CTNNA2: variants seen among roughly 807,000 people sequenced by gnomAD.
CTNNA2 encodes catenin alpha 2, also known as catenin alpha-2.
In CTNNA2, 42 loss-of-function variants were observed where a neutral mutation model predicts 101.0. The ratio of observed to expected loss-of-function variants is 0.42; its 90% CI spans 0.32 to 0.54. CTNNA2 has a LOEUF of 0.54. Among genes scored for constraint, CTNNA2 ranks in the 20% least tolerant of loss-of-function variants. The pLI, the probability that CTNNA2 is intolerant of heterozygous loss-of-function variation, is 0.14. For synonymous variants in CTNNA2, 450 were observed against 456.4 expected, an observed-to-expected ratio of 0.99 and a Z score of 0.18; for missense variants, 871 against 1,223.1, an observed-to-expected ratio of 0.71 and a Z score of 4.29.
intron 1 of CTNNA2, among the ~76,000 whole-genome samples, chr2:79,566,747 T>A (rs180684381): frequency 3.1e-4 from 47 of 152,308 alleles, no homozygotes; most frequent in African/African-American, 1.0e-3. Context: ...TATTTTCTTA[T>A]CTTTTTTTGG....
At chr2:80,453,528 C>T (rs1355212063) in intron 9 of CTNNA2, among the ~76,000 whole-genome samples, 3 of 151,940 alleles carry the variant, frequency 2.0e-5, no homozygotes, top group Non-Finnish European at 2.9e-5. Context: ...GTGTGTGATT[C>T]GCTCACGTAA....
chr2:80,514,260 C>G (rs6742525), intron 9 of CTNNA2, among the ~76,000 whole-genome samples: 77,154 of 151,982 alleles, frequency 0.51, 21,727 homozygotes, highest in African/African-American at 0.76. Flanking sequence ...CAGCTGTCCA[C>G]TTTGGGTGCC....
intron 4 of CTNNA2, among the ~76,000 whole-genome samples, chr2:79,377,215 A>G (rs1186957967): frequency 2.6e-5 from 4 of 152,128 alleles, no homozygotes; most frequent in Non-Finnish European, 4.4e-5. Context: ...TCACTATGTT[A>G]ATATAAAGTA....
intron 3 of CTNNA2, among the ~76,000 whole-genome samples, chr2:79,359,995 T>C (rs56349222): frequency 0.11 from 16,767 of 152,210 alleles, 1,184 homozygotes; most frequent in East Asian, 0.36. Context: ...TTAGAATTTA[T>C]CTAGTTTTAT....
At chr2:80,243,975 T>G (rs1410988774) in intron 7 of CTNNA2, among the ~76,000 whole-genome samples, 1 of 152,200 alleles carries the variant, frequency 6.6e-6, no homozygotes, top group African/African-American at 2.4e-5. Context: ...TGCAGCAGCC[T>G]GCAGGGCCAT....
intron 4 of CTNNA2, among the ~76,000 whole-genome samples, chr2:79,438,705 A>G (rs115598684): frequency 0.011 from 1,633 of 152,250 alleles, 9 homozygotes; most frequent in Non-Finnish European, 0.016. Context: ...GTAGTCTGAA[A>G]CCTCACCTAG....
chr2:80,235,028 C>T (rs1709469673), intron 7 of CTNNA2, among the ~76,000 whole-genome samples: 1 of 151,982 alleles, frequency 6.6e-6, no homozygotes. Context: ...GCACTACATT[C>T]GTTGATATAT....
chr2:79,380,820 C>T (rs1678029951), intron 4 of CTNNA2, among the ~76,000 whole-genome samples: 1 of 152,136 alleles, frequency 6.6e-6, no homozygotes, highest in East Asian at 1.9e-4. Context: ...GCAAAATTTT[C>T]TTCTGCTATA....
At chr2:79,745,045 A>C (rs900312779) in intron 3 of CTNNA2, among the ~76,000 whole-genome samples, 1 of 152,264 alleles carries the variant, frequency 6.6e-6, no homozygotes, top group Non-Finnish European at 1.5e-5. Flanking sequence ...CTAGCCACTC[A>C]TTAATAAATC....
intron 7 of CTNNA2, among the ~76,000 whole-genome samples, chr2:79,959,443 A>G (rs1230538931): frequency 6.6e-6 from 1 of 152,218 alleles, no homozygotes. Flanking sequence ...AAGAAGAACA[A>G]GAAACATTGC....
intron 4 of CTNNA2, among the ~76,000 whole-genome samples, chr2:79,381,435 T>C (rs534996954): frequency 6.6e-6 from 1 of 152,350 alleles, no homozygotes; most frequent in Non-Finnish European, 1.5e-5. Context: ...TTCACTGAAG[T>C]ATTTGCATCT....
rs1676445939 is a variant in CTNNA2 at position 79,804,852 on chromosome 2, A to G, written c.299-53161A>G. ...ACCAGTTTTAAAACCGATTTAAGAAAATGTTTTGAACATTTTAAAAGTCTC... is the reference window on the plus strand; with the variant it reads ...ACCAGTTTTAAAACCGATTTAAGAAGATGTTTTGAACATTTTAAAAGTCTC... On this transcript the variant is annotated intron_variant, in intron 3 of 18. Transcript: ENST00000402739. 2.6e-5 allele frequency among the ~76,000 whole-genome samples: 4 copies of G among 152,168 alleles called. No homozygotes were observed. The South Asian group carries it at 8.3e-4, about 32-fold the overall frequency.
At chr2:79,494,582 C>T (rs1171871457) in intron 4 of CTNNA2, among the ~76,000 whole-genome samples, 1 of 152,032 alleles carries the variant, frequency 6.6e-6, no homozygotes, top group African/African-American at 2.4e-5. Context: ...ACAAATGTTA[C>T]TAGAAACAAT....
rs568013652 is a variant in CTNNA2, at chr2:80,564,284, C to T, written c.1741+8391C>T. On this transcript the variant is annotated intron_variant, in intron 12 of 18. Transcript: ENST00000402739. ...ACACTAAGCTAAATAAGGCATCATGCTCATGCTCAATACTTTATTCGTTCC... is the reference window on the plus strand; with the variant it reads ...ACACTAAGCTAAATAAGGCATCATGTTCATGCTCAATACTTTATTCGTTCC... Among the ~76,000 whole-genome samples the T allele has an allele frequency of 2.0e-5, 3 of 152,186 alleles. No individual in the cohort carries two copies. The East Asian group carries it at 5.8e-4, about 29-fold the overall frequency.
chr2:79,775,657 G>A (rs111683596), intron 3 of CTNNA2, among the ~76,000 whole-genome samples: 142 of 152,218 alleles, frequency 9.3e-4, no homozygotes, highest in African/African-American at 3.2e-3. Context: ...TCAACTCTGT[G>A]GTAGAGGGCA....
chr2:79,777,302 T>C, intron 3 of CTNNA2, among the ~76,000 whole-genome samples: 1 of 151,306 alleles, frequency 6.6e-6, no homozygotes, highest in South Asian at 2.1e-4. Flanking sequence ...TTTACTGAGC[T>C]CTTAGCCCAT....
At chr2:80,633,462 A>AG (rs1338120690) in intron 18 of CTNNA2, among the ~76,000 whole-genome samples, 2 of 152,170 alleles carry the variant, frequency 1.3e-5, no homozygotes, top group Admixed American at 6.6e-5. Context: ...GGCTTAAGGA[A>AG]GTTCACCTCA....
chr2:80,606,400 A>ACACC (rs1698015420), intron 16 of CTNNA2, among the ~76,000 whole-genome samples: 1 of 121,548 alleles, frequency 8.2e-6, no homozygotes. Flanking sequence ...ACACACACAC[A>ACACC]CACACACACA....
chr2:79,469,406 AG>A (rs1469090393), intron 4 of CTNNA2, among the ~76,000 whole-genome samples: 21 of 152,178 alleles, frequency 1.4e-4, no homozygotes, highest in Non-Finnish European at 2.6e-4. Context: ...CAACCAAAAA[AG>A]GTCCAGGACC....
Sources: gnomAD v4.1 joint callset for allele counts (sites outside exome capture counted in the v4.1 genomes callset) on GRCh38, gnomAD v4.1.1 for gene constraint, MANE v1.5 for transcripts, NCBI Gene and HGNC (gene_info 2026-07-23, HGNC 2026-07-21) for gene names.